Variants in LRRC75A observed in about 807,000 individuals in gnomAD.
LRRC75A encodes the protein leucine rich repeat containing 75A, also known as leucine-rich repeat-containing protein 75A.
LRRC75A carries 12 observed loss-of-function variants against 26.0 expected under a neutral mutation model. The ratio of observed to expected loss-of-function variants is 0.46; its 90% CI spans 0.30 to 0.75. LRRC75A has a LOEUF of 0.75. Among genes scored for constraint, LRRC75A ranks in the 30% least tolerant of loss-of-function variants. The pLI is 0.08. For missense variants in LRRC75A, 410 were observed against 486.6 expected (o/e 0.84, Z 1.48); for synonymous variants, 223 against 219.3 (o/e 1.02, Z -0.15).
chr17:16,447,703 C>T, intron 3 of LRRC75A, 142 bp downstream of exon 3: 1 of 616,916 alleles, frequency 1.6e-6, no homozygotes, highest in Non-Finnish European at 2.8e-6. Context: ...ACTCTGGAAT[C>T]CTCCTTCCAT....
chr17:16,476,925 A>AT (rs1332743544), intron 1 of LRRC75A, among the ~76,000 whole-genome samples: 1 of 151,662 alleles, frequency 6.6e-6, no homozygotes, highest in East Asian at 1.9e-4. Flanking sequence ...TTTTTAGTAG[A>AT]GACGGGGTTT....
chr17:16,481,456 A>T lies in LRRC75A; in HGVS notation c.246+10289T>A, dbSNP rs76800113. On this transcript the variant is annotated intron_variant, in intron 1 of 3. Coordinates refer to ENST00000470794, the MANE Select transcript of LRRC75A (RefSeq NM_001113567.3). Reference sequence around the variant, plus strand: ...CAGGAAGTAACATCCCTACGGGAAGACATTAAGAGCCTTAAGCAGCAAATT... The same window carrying T: ...CAGGAAGTAACATCCCTACGGGAAGTCATTAAGAGCCTTAAGCAGCAAATT... Among the ~76,000 whole-genome samples, 774 of 152,340 alleles carry T rather than the reference A, an allele frequency of 5.1e-3. 5 individuals are homozygous for T. The highest frequency in any genetic ancestry group is 0.017 in the African/African-American group (717 of 41,582).
intron 2 of LRRC75A, among the ~76,000 whole-genome samples, chr17:16,450,041 G>C (rs1033863591): frequency 5.9e-5 from 9 of 152,208 alleles, no homozygotes; most frequent in Non-Finnish European, 8.8e-5. Context: ...TGTGGGGTGT[G>C]TTACTGACAT....
intron 2 of LRRC75A, among the ~76,000 whole-genome samples, chr17:16,456,192 A>AGG (rs1568960666): frequency 1.0e-5 from 1 of 96,706 alleles, no homozygotes; most frequent in African/African-American, 4.5e-5. Flanking sequence ...GAAGAGGAGG[A>AGG]AGGAGGAGGA....
chr17:16,450,878 G>A (rs1326302608), intron 2 of LRRC75A, among the ~76,000 whole-genome samples: 1 of 152,198 alleles, frequency 6.6e-6, no homozygotes, highest in African/African-American at 2.4e-5. Context: ...GGTGTGGGCA[G>A]GGAGGGTGAG....
intron 2 of LRRC75A, among the ~76,000 whole-genome samples, chr17:16,457,532 G>C (rs1186580713): frequency 6.6e-6 from 1 of 152,222 alleles, no homozygotes; most frequent in Non-Finnish European, 1.5e-5. Context: ...CTCCAAGACA[G>C]CCTTGCTGCT....
intron 3 of LRRC75A, 87 bp from the exon 4 acceptor site, chr17:16,444,218 C>G: frequency 1.8e-6 from 2 of 1,139,718 alleles, no homozygotes; most frequent in Non-Finnish European, 2.4e-6. Flanking sequence ...GCTCGGCTCT[C>G]CGACGCTAGG....
intron 2 of LRRC75A, among the ~76,000 whole-genome samples, chr17:16,455,403 G>A (rs1165776794): frequency 2.0e-5 from 3 of 150,202 alleles, no homozygotes; most frequent in Admixed American, 6.6e-5. Flanking sequence ...TTTTTTAGAC[G>A]GAGTCTTGCT....
In LRRC75A at chr17:16,491,833, C is replaced by A. The variant is rs1442783734; in HGVS notation, c.158G>T (p.Arg53Leu). 11 of 1,407,410 alleles carry A rather than the reference C, an allele frequency of 7.8e-6. No homozygotes were observed. Among genetic ancestry groups the A allele is most frequent in the Non-Finnish European group, 9.3e-6 (10 of 1,077,372 alleles). 87.2% of individuals were successfully genotyped at this position (1,407,410 alleles called of 1,614,324 possible). Residue 53 changes from arginine (R) to leucine (L), a missense_variant, in exon 1 of 4, where the codon CGG becomes CTG. By Grantham distance (102) the Arg-to-Leu change is moderately radical. Coordinates refer to ENST00000470794, the MANE Select transcript of LRRC75A (RefSeq NM_001113567.3). The surrounding 1 kb of genome is among the most constrained non-coding windows in gnomAD (Gnocchi z 5.9). ...RAGAGMPPYH[R>L]RVGMVQELLR... ...CAGCTCCTGGACCATGCCGACTCGC[C>A]GGTGGTAGGGGGGCATCCCCGCGCC...
intron 3 of LRRC75A, 115 bp from the exon 4 acceptor site, chr17:16,444,246 A>C: frequency 1.1e-6 from 1 of 883,504 alleles, no homozygotes; most frequent in Non-Finnish European, 1.7e-6. Flanking sequence ...TTTACGAAAC[A>C]CTTGGATGTC....
intron 1 of LRRC75A, among the ~76,000 whole-genome samples, chr17:16,466,680 C>T (rs535950512): frequency 1.6e-4 from 24 of 152,166 alleles, no homozygotes; most frequent in African/African-American, 5.8e-4. Context: ...TTCCGAGCTG[C>T]CGGACCCAGC....
intron 1 of LRRC75A, among the ~76,000 whole-genome samples, chr17:16,490,523 C>T (rs890421343): frequency 2.0e-5 from 3 of 152,144 alleles, no homozygotes; most frequent in African/African-American, 7.2e-5. Flanking sequence ...CCCACATCTT[C>T]CCAAGTCCCC....
chr17:16,444,798 A>G (rs1282055661), intron 3 of LRRC75A, among the ~76,000 whole-genome samples: 1 of 137,836 alleles, frequency 7.3e-6, no homozygotes, highest in African/African-American at 2.7e-5. Flanking sequence ...CACCCCCGCC[A>G]TCTGTTTGCT....
intron 1 of LRRC75A, among the ~76,000 whole-genome samples, chr17:16,476,839 C>T (rs529863693): frequency 1.4e-3 from 208 of 150,950 alleles, no homozygotes; most frequent in Admixed American, 2.2e-3. Flanking sequence ...CCCGGGTTCA[C>T]GCCATTCTCC....
intron 2 of LRRC75A, among the ~76,000 whole-genome samples, chr17:16,451,911 AT>A (rs930111425): frequency 8.5e-6 from 1 of 117,112 alleles, no homozygotes; most frequent in Non-Finnish European, 1.9e-5. Context: ...TGCCCGGCTA[AT>A]TTTTTTGCAT....
intron 1 of LRRC75A, among the ~76,000 whole-genome samples, chr17:16,465,027 C>T (rs2093757335): frequency 6.6e-6 from 1 of 152,228 alleles, no homozygotes; most frequent in African/African-American, 2.4e-5. Flanking sequence ...GAGGTGGAAA[C>T]AGAGGGGTGG....
rs565155628 is a variant in LRRC75A, at chr17:16,442,483, A to G, written c.*1105T>C. ...ATTTAGAAGAGATCCCTTAACTGGT[A>G]GGGCCCTTTCAGTAGGACAGTATTT... is the stretch of plus-strand genomic sequence containing the variant. On this transcript the variant is annotated 3_prime_UTR_variant, in exon 4 of 4. Coordinates refer to ENST00000470794, the MANE Select transcript of LRRC75A (RefSeq NM_001113567.3). 2.0e-5 allele frequency: 3 copies of G among 152,312 alleles called. No homozygotes were observed. Among genetic ancestry groups the G allele is most frequent in the Admixed American group, 2.0e-4 (3 of 15,302 alleles). The allele number at this position is 152,312 out of a possible 1,614,324, so 9.4% of individuals were successfully genotyped here.
chr17:16,461,879 C>T (rs113293066), intron 2 of LRRC75A, among the ~76,000 whole-genome samples: 5 of 151,354 alleles, frequency 3.3e-5, no homozygotes, highest in African/African-American at 9.7e-5. Flanking sequence ...CGCATGCTTT[C>T]GTGCAAGGTA....
intron 2 of LRRC75A, among the ~76,000 whole-genome samples, chr17:16,452,185 CAAAAAAAAA>C (rs71152808): frequency 3.7e-5 from 3 of 80,260 alleles, no homozygotes; most frequent in Non-Finnish European, 4.5e-5. Context: ...GACTTGCTCT[CAAAAAAAAA>C]AAAAAAAAAA....
Sources: gnomAD v4.1 joint callset for allele counts (sites outside exome capture counted in the v4.1 genomes callset) on GRCh38, gnomAD v4.1.1 for gene constraint, Gnocchi (gnomAD v3.1) non-coding constraint, MANE v1.5 for transcripts, NCBI Gene and HGNC (gene_info 2026-07-23, HGNC 2026-07-21) for gene names.